The following KCND2 variants were observed in gnomAD, a reference collection of about 807,000 sequenced individuals.
The protein encoded by KCND2 is A-type voltage-gated potassium channel KCND2.
In KCND2, 16 loss-of-function variants were observed where a neutral mutation model predicts 54.4. That is an observed-to-expected ratio of 0.29 (90% CI 0.20 to 0.45). The LOEUF (loss-of-function observed/expected upper bound fraction) is 0.45, where lower values mean the gene tolerates loss of function less well. Among genes scored for constraint, KCND2 ranks in the 20% least tolerant of loss-of-function variants. The pLI, the probability that KCND2 is intolerant of heterozygous loss-of-function variation, is 1.00. For missense variants in KCND2, 486 were observed against 824.2 expected, an observed-to-expected ratio of 0.59 and a Z score of 5.02; for synonymous variants, 317 against 310.7, an observed-to-expected ratio of 1.02 and a Z score of -0.21.
chr7:120,552,725 G>T (rs1188510793), intron 1 of KCND2, among the ~76,000 whole-genome samples: 1 of 151,918 alleles, frequency 6.6e-6, no homozygotes, highest in South Asian at 2.1e-4. Flanking sequence ...GTCACTCCAG[G>T]AGAAGGTCAG....
At chr7:120,740,230 T>A (rs1792923894) in intron 2 of KCND2, among the ~76,000 whole-genome samples, 1 of 151,972 alleles carries the variant, frequency 6.6e-6, no homozygotes, top group South Asian at 2.1e-4. Flanking sequence ...AGCCTAGGAG[T>A]GGGATGGCTC....
chr7:120,695,537 G>A (rs1193867760), intron 1 of KCND2, among the ~76,000 whole-genome samples: 2 of 152,166 alleles, frequency 1.3e-5, no homozygotes, highest in Middle Eastern at 3.4e-3. Flanking sequence ...AGAGTAATTG[G>A]GTTAGATTTA....
chr7:120,562,124 T>G (rs756365942), intron 1 of KCND2, among the ~76,000 whole-genome samples: 4 of 152,166 alleles, frequency 2.6e-5, no homozygotes, highest in African/African-American at 9.7e-5. Flanking sequence ...TTGAAAGTTA[T>G]AAGCGCAAGA....
chr7:120,510,142 C>G (rs1020422380), intron 1 of KCND2, among the ~76,000 whole-genome samples: 2 of 152,064 alleles, frequency 1.3e-5, no homozygotes, highest in South Asian at 4.1e-4. Flanking sequence ...ATTCCTAACC[C>G]TAAAGACTCT....
chr7:120,647,927 T>C (rs534644478), intron 1 of KCND2, among the ~76,000 whole-genome samples: 7 of 152,324 alleles, frequency 4.6e-5, no homozygotes, highest in South Asian at 2.1e-4. Context: ...TAGATATTTA[T>C]CTTGTTACAC....
chr7:120,683,574 G>A (rs1232588918), intron 1 of KCND2, among the ~76,000 whole-genome samples: 3 of 152,074 alleles, frequency 2.0e-5, no homozygotes, highest in African/African-American at 7.2e-5. Flanking sequence ...TTAAGTAATA[G>A]CATAACTGGC....
intron 1 of KCND2, among the ~76,000 whole-genome samples, chr7:120,444,522 C>A (rs1421701749): frequency 1.3e-5 from 2 of 152,060 alleles, no homozygotes; most frequent in Non-Finnish European, 2.9e-5. Flanking sequence ...AGAACCCCAG[C>A]AGAGTACACT....
chr7:120,455,732 A>T (rs1802190078), intron 1 of KCND2, among the ~76,000 whole-genome samples: 1 of 152,198 alleles, frequency 6.6e-6, no homozygotes, highest in Non-Finnish European at 1.5e-5. Flanking sequence ...CTAATACAGG[A>T]ACAGAAGACC....
At position 120,488,268 on chromosome 7, in the gene KCND2, A is replaced by G. The variant is rs550663786; in HGVS notation, c.1115+212521A>G. Among the ~76,000 whole-genome samples the G allele has an allele frequency of 7.9e-4, 120 of 152,270 alleles. 2 individuals are homozygous for G. The highest frequency in any genetic ancestry group is 7.6e-4 in the Non-Finnish European group (52 of 68,014). On this transcript the variant is annotated intron_variant, in intron 1 of 5. Transcript: ENST00000331113. ...GTAAAAAGGCCAAGAAAACAGTAACAATGGCTTTATTTTTATAGAAGCATT... is the reference window on the plus strand; with the variant it reads ...GTAAAAAGGCCAAGAAAACAGTAACGATGGCTTTATTTTTATAGAAGCATT...
At chr7:120,414,488 A>C (rs934128903) in intron 1 of KCND2, among the ~76,000 whole-genome samples, 1 of 152,124 alleles carries the variant, frequency 6.6e-6, no homozygotes, top group African/African-American at 2.4e-5. Flanking sequence ...TTATTGGTGC[A>C]TGTTTAACTG....
chr7:120,606,120 C>T (rs1480702129), intron 1 of KCND2, among the ~76,000 whole-genome samples: 1 of 152,152 alleles, frequency 6.6e-6, no homozygotes, highest in African/African-American at 2.4e-5. Context: ...ACTTTGAGGC[C>T]TCCCCAGCCA....
intron 1 of KCND2, among the ~76,000 whole-genome samples, chr7:120,480,920 G>C (rs986100591): frequency 6.6e-6 from 1 of 152,196 alleles, no homozygotes; most frequent in Non-Finnish European, 1.5e-5. Flanking sequence ...GTGGAGACTA[G>C]AAGAATTTGG....
Position 120,543,900 on chromosome 7 carries a change from A to G in KCND2, c.1116-189003A>G, listed in dbSNP as rs139813197. On this transcript the variant is annotated intron_variant, in intron 1 of 5. Coordinates refer to ENST00000331113, the MANE Select transcript of KCND2 (RefSeq NM_012281.3). ...ATAAGAACCCAAATTTTCAGCAATT[A>G]TTATCTTCTATGAATTTTTTGATTA... Among the ~76,000 whole-genome samples, 309 of 152,122 alleles carry G rather than the reference A, an allele frequency of 2.0e-3. 3 individuals carry two copies. The highest frequency in any genetic ancestry group is 7.0e-3 in the African/African-American group (292 of 41,536).
At chr7:120,746,161 G>A (rs936762750) in intron 5 of KCND2, 134 bp downstream of exon 5, 28 of 978,652 alleles carry the variant, frequency 2.9e-5, no homozygotes, top group African/African-American at 4.8e-5. Context: ...AAATGGTAGC[G>A]TAACAAGTAG....
intron 1 of KCND2, among the ~76,000 whole-genome samples, chr7:120,387,164 T>G (rs919684702): frequency 7.9e-5 from 12 of 152,062 alleles, no homozygotes; most frequent in African/African-American, 2.4e-4. Flanking sequence ...TAGAACAGTG[T>G]CAGCCACATG....
intron 1 of KCND2, among the ~76,000 whole-genome samples, chr7:120,551,469 AT>A (rs1362807444): frequency 1.3e-5 from 2 of 152,160 alleles, no homozygotes; most frequent in Non-Finnish European, 2.9e-5. Flanking sequence ...AGTGGAGAAA[AT>A]TTGAGATTGC....
At chr7:120,703,465 TTAAAG>T (rs1792427983) in intron 1 of KCND2, among the ~76,000 whole-genome samples, 1 of 152,186 alleles carries the variant, frequency 6.6e-6, no homozygotes, top group African/African-American at 2.4e-5. Flanking sequence ...CTCTTTATGG[TTAAAG>T]TAATTGGGAG....
intron 1 of KCND2, among the ~76,000 whole-genome samples, chr7:120,726,927 G>T (rs138904045): frequency 2.0e-5 from 3 of 152,078 alleles, no homozygotes; most frequent in Admixed American, 6.5e-5. Flanking sequence ...AAGCATCAAG[G>T]TTTATTTTAA....
intron 1 of KCND2, among the ~76,000 whole-genome samples, chr7:120,627,991 G>A (rs943433190): frequency 6.6e-6 from 1 of 152,014 alleles, no homozygotes; most frequent in Admixed American, 6.6e-5. Context: ...ACAATAATTA[G>A]TAATTTTTTA....
Sources: allele counts gnomAD v4.1 joint callset (sites outside exome capture counted in the v4.1 genomes callset), GRCh38; gene constraint gnomAD v4.1.1; transcripts MANE v1.5; gene names NCBI Gene and HGNC (gene_info 2026-07-23, HGNC 2026-07-21).